COL19A1: variants seen among roughly 807,000 people sequenced by gnomAD.
The protein encoded by COL19A1 is collagen type XIX alpha 1 chain, also known as collagen alpha-1(XIX) chain.
In COL19A1, 159 loss-of-function variants were observed where a neutral mutation model predicts 190.2. The ratio of observed to expected loss-of-function variants is 0.84; its 90% CI spans 0.73 to 0.95. The LOEUF (loss-of-function observed/expected upper bound fraction) is 0.95, where lower values mean the gene tolerates loss of function less well. Ranked by LOEUF, COL19A1 falls within the 40% of genes least tolerant of loss-of-function variation. The probability of loss-of-function intolerance (pLI) is 0.00; values close to 1 mark genes in which losing one functional copy is unlikely to be tolerated. For missense variants in COL19A1, 1,418 were observed against 1,431.9 expected, an observed-to-expected ratio of 0.99 and a Z score of 0.16; for synonymous variants, 509 against 458.9, an observed-to-expected ratio of 1.11 and a Z score of -1.39.
intron 17 of COL19A1, among the ~76,000 whole-genome samples, chr6:70,122,467 A>T (rs1393868603): frequency 6.6e-6 from 1 of 152,150 alleles, no homozygotes; most frequent in Admixed American, 6.6e-5. Flanking sequence ...AAGTATCCAA[A>T]TGGCAAAAGC....
rs1213456852 is a variant in COL19A1 at position 70,212,183 on chromosome 6, A to C, written c.*4909A>C. Among the ~76,000 whole-genome samples, 1 of 152,166 alleles carries C rather than the reference A, an allele frequency of 6.6e-6. No homozygotes were observed. Among genetic ancestry groups the C allele is most frequent in the South Asian group, 2.1e-4 (1 of 4,828 alleles). On this transcript the variant is annotated 3_prime_UTR_variant, in exon 51 of 51. Coordinates refer to ENST00000620364, the MANE Select transcript of COL19A1 (RefSeq NM_001858.6). Reference sequence around the variant, plus strand: ...ATTTTGGAGATAAATGTTTTTCAGCACATTAATGTCTTTAAATTCAGGTTG... The same window carrying C: ...ATTTTGGAGATAAATGTTTTTCAGCCCATTAATGTCTTTAAATTCAGGTTG...
chr6:70,163,162 T>A (rs1370879313), intron 35 of COL19A1, among the ~76,000 whole-genome samples, 181 bp from the exon 36 acceptor site: 1 of 152,192 alleles, frequency 6.6e-6, no homozygotes. Context: ...AATTTTACCC[T>A]TCCAAGGGCT....
At chr6:70,151,476 C>A (rs776395873) in intron 31 of COL19A1, 38 bp downstream of exon 31, 16 of 1,594,766 alleles carry the variant, frequency 1.0e-5, no homozygotes, top group Middle Eastern at 1.7e-4. Context: ...GTGTTAATTT[C>A]CAGGAAAAAT....
intron 4 of COL19A1, among the ~76,000 whole-genome samples, chr6:69,924,705 G>A (rs1440776140): frequency 6.6e-6 from 1 of 152,162 alleles, no homozygotes; most frequent in East Asian, 1.9e-4. Flanking sequence ...CCCACCAACA[G>A]TGTAAAAGTG....
At chr6:70,062,694 T>C (rs1025571881) in intron 14 of COL19A1, among the ~76,000 whole-genome samples, 6 of 151,994 alleles carry the variant, frequency 3.9e-5, no homozygotes, top group African/African-American at 1.2e-4. Flanking sequence ...GCAAATTGGA[T>C]AAAGAGTCAA....
intron 7 of COL19A1, among the ~76,000 whole-genome samples, chr6:69,936,063 G>A (rs1229676297): frequency 6.6e-6 from 1 of 152,042 alleles, no homozygotes; most frequent in Non-Finnish European, 1.5e-5. Flanking sequence ...GGAAAACTAT[G>A]GTGAGAAGTC....
intron 41 of COL19A1, among the ~76,000 whole-genome samples, chr6:70,176,020 G>T (rs931402520): frequency 1.3e-5 from 2 of 152,114 alleles, no homozygotes; most frequent in African/African-American, 4.8e-5. Context: ...TCACTCTGTT[G>T]TTCAGAGCAA....
chr6:70,083,187 G>A (rs1461073578), intron 15 of COL19A1, among the ~76,000 whole-genome samples: 2 of 152,178 alleles, frequency 1.3e-5, no homozygotes, highest in Admixed American at 6.5e-5. Flanking sequence ...TTCAAAGAGT[G>A]CATATAGGTA....
At chr6:70,191,947 T>C (rs533025263) in intron 48 of COL19A1, among the ~76,000 whole-genome samples, 1 of 152,288 alleles carries the variant, frequency 6.6e-6, no homozygotes, top group African/African-American at 2.4e-5. Context: ...TCTTGGTGCT[T>C]GGATGCACAT....
chr6:70,126,973 T>C (rs1473339825), intron 17 of COL19A1, among the ~76,000 whole-genome samples: 1 of 152,224 alleles, frequency 6.6e-6, no homozygotes, highest in Non-Finnish European at 1.5e-5. Flanking sequence ...AAAAATAAAC[T>C]TAATGGAAAA....
At chr6:69,972,194 A>G (rs1019171729) in intron 11 of COL19A1, among the ~76,000 whole-genome samples, 1 of 152,208 alleles carries the variant, frequency 6.6e-6, no homozygotes, top group Non-Finnish European at 1.5e-5. Flanking sequence ...AGCACATCTT[A>G]AAAGTCATTT....
intron 10 of COL19A1, among the ~76,000 whole-genome samples, chr6:69,962,314 A>G (rs897850370): frequency 1.3e-5 from 2 of 152,216 alleles, no homozygotes; most frequent in African/African-American, 4.8e-5. Flanking sequence ...GACAAGAAGA[A>G]GCATAGCACT....
At chr6:70,024,370 G>C (rs1778609369) in intron 12 of COL19A1, among the ~76,000 whole-genome samples, 1 of 152,232 alleles carries the variant, frequency 6.6e-6, no homozygotes, top group South Asian at 2.1e-4. Flanking sequence ...ATGAGAATTA[G>C]TTTTTCCCTC....
chr6:70,111,517 T>A (rs561833322), intron 16 of COL19A1, among the ~76,000 whole-genome samples: 1 of 152,230 alleles, frequency 6.6e-6, no homozygotes, highest in African/African-American at 2.4e-5. Flanking sequence ...TATTATTTTC[T>A]GTACTTTTCA....
chr6:70,199,664 C>T lies in COL19A1; in HGVS notation c.3151C>T (p.Gln1051Ter), dbSNP rs2150306464. Residue 1051 changes from glutamine to a stop codon, truncating the protein, a stop_gained, in exon 49 of 51, where the codon CAA becomes TAA. Coordinates refer to ENST00000620364, the MANE Select transcript of COL19A1 (RefSeq NM_001858.6). LOFTEE classifies it high-confidence loss of function. ...LKLPAAMLAA[Q>*]AYGRPGPPGK... Reference sequence around the variant, plus strand: ...GCTGCCAGCAGCAATGTTGGCTGCCCAAGCTTATGGGAGACCTGGGCCACC... The same window carrying T: ...GCTGCCAGCAGCAATGTTGGCTGCCTAAGCTTATGGGAGACCTGGGCCACC... 1 of 1,609,174 alleles carries T rather than the reference C, an allele frequency of 6.2e-7. No homozygotes were observed. Among genetic ancestry groups the T allele is most frequent in the Non-Finnish European group, 8.5e-7 (1 of 1,177,044 alleles).
chr6:70,061,507 T>G (rs978417807), intron 14 of COL19A1, among the ~76,000 whole-genome samples: 1 of 152,118 alleles, frequency 6.6e-6, no homozygotes, highest in Non-Finnish European at 1.5e-5. Flanking sequence ...TCTTAGTACT[T>G]GAGTCTCGCA....
chr6:70,208,695 A>G lies in COL19A1; in HGVS notation c.*1421A>G, dbSNP rs1426379893. On this transcript the variant is annotated 3_prime_UTR_variant, in exon 51 of 51. Transcript: ENST00000620364. ...AATCAGGACTCACAGCTCTTCAAGGAGCAGTGCAGATTTCAATTTGGCTAA... is the reference window on the plus strand; with the variant it reads ...AATCAGGACTCACAGCTCTTCAAGGGGCAGTGCAGATTTCAATTTGGCTAA... 1 of 152,640 alleles carries G rather than the reference A, an allele frequency of 6.6e-6. No individual in the cohort carries two copies. Among genetic ancestry groups the G allele is most frequent in the Admixed American group, 6.5e-5 (1 of 15,282 alleles). The allele number at this position is 152,640 out of a possible 1,614,324, so 9.5% of individuals were successfully genotyped here. A position where few individuals can be genotyped will look rare whatever the true frequency, so the allele number is the denominator to read the frequency against.
At chr6:70,196,187 C>A (rs1001744838) in intron 48 of COL19A1, among the ~76,000 whole-genome samples, 1 of 152,162 alleles carries the variant, frequency 6.6e-6, no homozygotes, top group African/African-American at 2.4e-5. Flanking sequence ...GGAAATTACT[C>A]TTCTGATATT....
chr6:70,139,152 T>C (rs953162218), intron 19 of COL19A1, among the ~76,000 whole-genome samples: 4 of 152,126 alleles, frequency 2.6e-5, no homozygotes, highest in African/African-American at 9.7e-5. Flanking sequence ...GCTTCTCAAA[T>C]GTGAACATGC....
Sources: gnomAD v4.1 joint callset for allele counts (sites outside exome capture counted in the v4.1 genomes callset) on GRCh38, gnomAD v4.1.1 for gene constraint, MANE v1.5 for transcripts, NCBI Gene and HGNC (gene_info 2026-07-23, HGNC 2026-07-21) for gene names.